The following CCDC126 variants were observed in gnomAD, a reference collection of about 807,000 sequenced individuals.
CCDC126 encodes coiled-coil domain-containing protein 126.
Under a neutral mutation model 11.7 loss-of-function variants are expected in CCDC126, and 5 were observed. The observed-to-expected ratio is 0.43, with a 90% confidence interval of 0.22 to 0.90. The LOEUF (loss-of-function observed/expected upper bound fraction) is 0.90. Among genes scored for constraint, CCDC126 ranks in the 40% least tolerant of loss-of-function variants. The pLI, the probability that CCDC126 is intolerant of heterozygous loss-of-function variation, is 0.27. For synonymous variants in CCDC126, 60 were observed against 61.9 expected (o/e 0.97, Z 0.14); for missense variants, 150 against 163.1 (o/e 0.92, Z 0.44).
chr7:23,626,211 A>C (rs1044654916), intron 3 of CCDC126, among the ~76,000 whole-genome samples: 1 of 152,246 alleles, frequency 6.6e-6, no homozygotes, highest in African/African-American at 2.4e-5. Flanking sequence ...AAGCAGTAAG[A>C]TGCAGCTTCT....
chr7:23,634,262 A>G (rs13226357), intron 3 of CCDC126, among the ~76,000 whole-genome samples: 28,056 of 152,142 alleles, frequency 0.18, 2,973 homozygotes, highest in Non-Finnish European at 0.25. Flanking sequence ...TCCAGGCAAC[A>G]TGGTGAAACC....
Position 23,611,205 on chromosome 7 carries a change from A to C in CCDC126, c.-111A>C. Reference sequence around the variant, plus strand: ...AGTGGATACAACCTTGCTGAAGATGAAGAATATACAATATTGAGGATATTT... The same window carrying C: ...AGTGGATACAACCTTGCTGAAGATGCAGAATATACAATATTGAGGATATTT... On this transcript the variant is annotated 5_prime_UTR_variant, in exon 3 of 4. Coordinates refer to ENST00000307471, the MANE Select transcript of CCDC126 (RefSeq NM_138771.4). The C allele has an allele frequency of 1.4e-6, 1 of 696,166 alleles. No homozygotes were observed. Among genetic ancestry groups the C allele is most frequent in the South Asian group, 1.8e-5 (1 of 56,518 alleles). The allele number at this position is 696,166 out of a possible 1,614,324, so 43.1% of individuals were successfully genotyped here. A position where few individuals can be genotyped will look rare whatever the true frequency, so the allele number is the denominator to read the frequency against.
intron 3 of CCDC126, among the ~76,000 whole-genome samples, chr7:23,615,849 G>A (rs965428616): frequency 6.6e-6 from 1 of 152,156 alleles, no homozygotes; most frequent in Non-Finnish European, 1.5e-5. Context: ...AGTTCCAATG[G>A]TAGCATCAGC....
chr7:23,638,728 A>AAAAAAAAAAAAAAAAAC (rs1783292640), intron 3 of CCDC126, among the ~76,000 whole-genome samples: 1 of 32,554 alleles, frequency 3.1e-5, no homozygotes, highest in African/African-American at 2.0e-4. Context: ...AAAAAAAATT[A>AAAAAAAAAAAAAAAAAC]AAAAAAAAAA....
At chr7:23,620,851 C>A (rs1446426181) in intron 3 of CCDC126, among the ~76,000 whole-genome samples, 3 of 152,068 alleles carry the variant, frequency 2.0e-5, no homozygotes, top group Non-Finnish European at 1.5e-5. Context: ...TTCCCCATTG[C>A]TTGTTTTTGT....
intron 2 of CCDC126, chr7:23,602,098 T>C (rs1204513714): frequency 6.6e-6 from 1 of 152,212 alleles, no homozygotes; most frequent in African/African-American, 2.4e-5. Context: ...TGTTTACATA[T>C]ACATAGTGTG....
intron 3 of CCDC126, among the ~76,000 whole-genome samples, chr7:23,638,094 G>C (rs1176291990): frequency 1.4e-5 from 2 of 140,576 alleles, no homozygotes. Context: ...AGGGTGGTGG[G>C]GGGGTCAGCC....
rs70954400 is a variant in CCDC126 at position 23,640,992 on chromosome 7, G to GT, written c.239-1916dup. 1.5e-3 allele frequency among the ~76,000 whole-genome samples: 183 copies of GT among 122,816 alleles called. 1 individual carries two copies. The highest frequency in any genetic ancestry group is 0.012 in the East Asian group (49 of 4,180). 80.6% of individuals were successfully genotyped at this position (122,816 alleles called of 152,430 possible). Reference sequence around the variant, plus strand: ...TCCCTCTGAGCTCTGAATCCTTTTGGTTTTTTTTTTTTTTTTTTTTTTTGG... The same window carrying GT: ...TCCCTCTGAGCTCTGAATCCTTTTGGTTTTTTTTTTTTTTTTTTTTTTTTGG... On this transcript the variant is annotated intron_variant, in intron 3 of 3. Transcript: ENST00000307471.
chr7:23,623,890 A>G (rs777677350), intron 3 of CCDC126, among the ~76,000 whole-genome samples: 16 of 152,184 alleles, frequency 1.1e-4, no homozygotes, highest in Admixed American at 3.3e-4. Context: ...TTTTTGTTGT[A>G]TCTTTTTAGG....
At chr7:23,602,733 T>C (rs1345162236) in intron 2 of CCDC126, among the ~76,000 whole-genome samples, 1 of 152,162 alleles carries the variant, frequency 6.6e-6, no homozygotes, top group Admixed American at 6.5e-5. Flanking sequence ...AAATCAGATA[T>C]TACCCCCTCA....
At chr7:23,630,971 C>G (rs1584213277) in intron 3 of CCDC126, among the ~76,000 whole-genome samples, 1 of 151,628 alleles carries the variant, frequency 6.6e-6, no homozygotes, top group South Asian at 2.1e-4. Context: ...AATGAAAATG[C>G]AACATAAAAA....
chr7:23,621,590 G>T (rs561907732), intron 3 of CCDC126, among the ~76,000 whole-genome samples: 2 of 152,206 alleles, frequency 1.3e-5, no homozygotes, highest in Admixed American at 1.3e-4. Context: ...CTGCCTGATT[G>T]CCCTGGCCAG....
Position 23,644,459 on chromosome 7 carries a change from T to C in CCDC126, c.*1344T>C, listed in dbSNP as rs558215134. ...GATATTGTATTGTTCGTCATTATAA[T>C]ATGCTACCACATGTAGCAATAATTA... is the stretch of plus-strand genomic sequence containing the variant. On this transcript the variant is annotated 3_prime_UTR_variant, in exon 4 of 4. Transcript: ENST00000307471. 1 of 152,646 alleles carries C rather than the reference T, an allele frequency of 6.6e-6. No homozygotes were observed. The highest frequency in any genetic ancestry group is 6.5e-5 in the Admixed American group (1 of 15,298). 9.5% of individuals were successfully genotyped at this position (152,646 alleles called of 1,614,324 possible). A position where few individuals can be genotyped will look rare whatever the true frequency, so the allele number is the denominator to read the frequency against.
At chr7:23,601,055 T>TAA (rs578161504) in intron 2 of CCDC126, among the ~76,000 whole-genome samples, 128 of 134,052 alleles carry the variant, frequency 9.5e-4, no homozygotes, top group African/African-American at 3.1e-3. Context: ...TATCAATAAT[T>TAA]AAAAAAAAAA....
intron 1 of CCDC126, 177 bp from the exon 2 acceptor site, chr7:23,597,790 C>T (rs920816839): frequency 6.6e-6 from 1 of 152,144 alleles, no homozygotes; most frequent in African/African-American, 2.4e-5. Flanking sequence ...GGCTCTTTGT[C>T]CCTTCCTTTG....
intron 3 of CCDC126, among the ~76,000 whole-genome samples, chr7:23,638,482 C>A (rs1783285178): frequency 9.3e-6 from 1 of 107,794 alleles, no homozygotes; most frequent in Non-Finnish European, 1.9e-5. Flanking sequence ...AAGGGCGGTG[C>A]AAGATGTGCT....
At chr7:23,599,216 C>G (rs1465501676) in intron 2 of CCDC126, among the ~76,000 whole-genome samples, 1 of 152,196 alleles carries the variant, frequency 6.6e-6, no homozygotes, top group East Asian at 1.9e-4. Flanking sequence ...CTCATAGCCC[C>G]TATACCTGTT....
chr7:23,632,611 T>A (rs1783134731), intron 3 of CCDC126, among the ~76,000 whole-genome samples: 3 of 152,252 alleles, frequency 2.0e-5, no homozygotes, highest in Admixed American at 2.0e-4. Context: ...TTTTGCAAGA[T>A]GTTACCATTG....
At chr7:23,630,493 T>TTCAGTCAA (rs57853659) in intron 3 of CCDC126, among the ~76,000 whole-genome samples, 27,620 of 148,294 alleles carry the variant, frequency 0.19, 2,909 homozygotes, top group Non-Finnish European at 0.25. Context: ...GTGAGACTGT[T>TTCAGTCAA]TCAGTCAATC....
Sources: gnomAD v4.1 joint callset for allele counts (sites outside exome capture counted in the v4.1 genomes callset) on GRCh38, gnomAD v4.1.1 for gene constraint, MANE v1.5 for transcripts, NCBI Gene and HGNC (gene_info 2026-07-23, HGNC 2026-07-21) for gene names.